The following HPSE2 variants were observed in gnomAD, a reference collection of about 807,000 sequenced individuals.
The protein encoded by HPSE2 is inactive heparanase-2.
Under a neutral mutation model 60.5 loss-of-function variants are expected in HPSE2, and 38 were observed. That is an observed-to-expected ratio of 0.63 (90% confidence interval 0.48 to 0.82). The LOEUF is 0.82. HPSE2 is among the 40% of genes least tolerant of loss of function. The pLI is 0.00. For missense variants in HPSE2, 713 were observed against 740.4 expected (o/e 0.96, Z 0.43); for synonymous variants, 295 against 293.2 (o/e 1.01, Z -0.06).
intron 9 of HPSE2, among the ~76,000 whole-genome samples, chr10:98,513,838 A>T (rs1942501375): frequency 6.6e-6 from 1 of 152,182 alleles, no homozygotes; most frequent in Non-Finnish European, 1.5e-5. Flanking sequence ...ACTAGGTAAA[A>T]GTTTGGTGGT....
chr10:99,235,916 A>C (rs148902053), upstream of HPSE2: 1,814 of 686,444 alleles, frequency 2.6e-3, no homozygotes, highest in African/African-American at 0.021. Context: ...CCTTCCTCCC[A>C]CCACCCCCCC....
At position 98,743,867 on chromosome 10, in the gene HPSE2, T is replaced by C; in HGVS notation, c.784+16A>G. The C allele has an allele frequency of 6.2e-7, 1 of 1,609,940 alleles. No individual in the cohort carries two copies. Among genetic ancestry groups the C allele is most frequent in the Non-Finnish European group, 8.5e-7 (1 of 1,176,118 alleles). On this transcript the variant is annotated intron_variant, in intron 4 of 11. Coordinates refer to ENST00000370552, the MANE Select transcript of HPSE2 (RefSeq NM_021828.5). ...CTTTATTTTGTCAATTCAGAGGAAG[T>C]AACATCCTTACTTACCATTACCCAG...
At chr10:98,600,911 G>GTATATATATGTGTGTGTA (rs1945397109) in intron 9 of HPSE2, among the ~76,000 whole-genome samples, 3 of 73,702 alleles carry the variant, frequency 4.1e-5, no homozygotes, top group Admixed American at 3.2e-4. Context: ...ATGTGTGTGT[G>GTATATATATGTGTGTGTA]TATATATATA....
chr10:98,535,406 T>C (rs1288353849), intron 9 of HPSE2, among the ~76,000 whole-genome samples: 1 of 152,132 alleles, frequency 6.6e-6, no homozygotes, highest in Non-Finnish European at 1.5e-5. Flanking sequence ...ACCATACTTA[T>C]TGACTGTGGT....
chr10:98,521,416 A>G (rs1014073493), intron 9 of HPSE2, among the ~76,000 whole-genome samples: 12 of 152,262 alleles, frequency 7.9e-5, no homozygotes, highest in Non-Finnish European at 1.5e-4. Flanking sequence ...GAGAAATGCA[A>G]CTCAAAACCA....
intron 3 of HPSE2, among the ~76,000 whole-genome samples, chr10:99,001,900 G>A (rs1168869796): frequency 6.6e-6 from 1 of 152,020 alleles, no homozygotes; most frequent in Non-Finnish European, 1.5e-5. Context: ...AGGTCAGACT[G>A]TAATTAGTTT....
chr10:99,285,143 A>T, the HPSE2 span, among the ~76,000 whole-genome samples: 1 of 152,004 alleles, frequency 6.6e-6, no homozygotes, highest in Non-Finnish European at 1.5e-5. Flanking sequence ...TTTTAAATGG[A>T]CAATGGGCTG....
intron 8 of HPSE2, among the ~76,000 whole-genome samples, chr10:98,619,662 C>A (rs1264177750): frequency 6.6e-6 from 1 of 152,148 alleles, no homozygotes; most frequent in East Asian, 1.9e-4. Context: ...TCACATTAGT[C>A]ATTCTCTGCT....
At position 98,990,396 on chromosome 10, in the gene HPSE2, C is replaced by G. The variant is rs137942339; in HGVS notation, c.610+153842G>C. On this transcript the variant is annotated intron_variant, in intron 3 of 11. Transcript: ENST00000370552. Reference sequence around the variant, plus strand: ...AGCAGTTCACAATAGGGTTTGTGCTCCTATGATAATCTATTGCTGCTGCTG... The same window carrying G: ...AGCAGTTCACAATAGGGTTTGTGCTGCTATGATAATCTATTGCTGCTGCTG... Among the ~76,000 whole-genome samples the G allele has an allele frequency of 3.2e-3, 484 of 152,274 alleles. 3 individuals are homozygous for G. The highest frequency in any genetic ancestry group is 0.01 in the African/African-American group (416 of 41,558).
At chr10:99,040,824 C>T (rs956187027) in intron 3 of HPSE2, among the ~76,000 whole-genome samples, 2 of 152,146 alleles carry the variant, frequency 1.3e-5, no homozygotes, top group Non-Finnish European at 2.9e-5. Flanking sequence ...CAGTGGCTCA[C>T]GCCTGTAATC....
chr10:99,045,735 A>G (rs149160507), intron 3 of HPSE2, among the ~76,000 whole-genome samples: 45 of 152,278 alleles, frequency 3.0e-4, no homozygotes, highest in Non-Finnish European at 4.1e-4. Context: ...GAAAATCTAG[A>G]GGACATGAAT....
intron 9 of HPSE2, among the ~76,000 whole-genome samples, chr10:98,525,983 G>A (rs1942954277): frequency 6.6e-6 from 1 of 152,202 alleles, no homozygotes; most frequent in Non-Finnish European, 1.5e-5. Flanking sequence ...ATCTGAGAAT[G>A]CATTGTCTAA....
At chr10:98,804,380 A>G (rs1426522635) in intron 3 of HPSE2, among the ~76,000 whole-genome samples, 2 of 152,094 alleles carry the variant, frequency 1.3e-5, no homozygotes, top group Non-Finnish European at 2.9e-5. Flanking sequence ...CAAACTCCCC[A>G]TCTGACAAGG....
chr10:98,976,149 AC>A (rs1423120901), intron 3 of HPSE2, among the ~76,000 whole-genome samples: 1 of 152,138 alleles, frequency 6.6e-6, no homozygotes, highest in African/African-American at 2.4e-5. Context: ...TCATTCTACA[AC>A]CAGAACTCAG....
At chr10:99,023,395 C>T (rs139315868) in intron 3 of HPSE2, among the ~76,000 whole-genome samples, 1 of 152,230 alleles carries the variant, frequency 6.6e-6, no homozygotes, top group Non-Finnish European at 1.5e-5. Flanking sequence ...GATGGCACTT[C>T]TGGACCTAGC....
At chr10:98,476,775 G>A (rs531414705) in intron 11 of HPSE2, among the ~76,000 whole-genome samples, 2 of 152,210 alleles carry the variant, frequency 1.3e-5, no homozygotes, top group African/African-American at 4.8e-5. Flanking sequence ...GGGTGACAGG[G>A]TGGGAGTCTG....
intron 3 of HPSE2, among the ~76,000 whole-genome samples, chr10:99,128,772 C>T (rs1026017550): frequency 6.6e-6 from 1 of 152,046 alleles, no homozygotes; most frequent in African/African-American, 2.4e-5. Context: ...GCGCAGCAAA[C>T]CACCATAGCA....
intron 3 of HPSE2, among the ~76,000 whole-genome samples, chr10:99,121,788 C>A (rs1844963173): frequency 2.0e-5 from 3 of 152,110 alleles, no homozygotes; most frequent in African/African-American, 7.2e-5. Flanking sequence ...GGGAAGCAAT[C>A]ACACTTCTAG....
At chr10:98,555,289 A>G (rs552674475) in intron 9 of HPSE2, among the ~76,000 whole-genome samples, 1 of 152,308 alleles carries the variant, frequency 6.6e-6, no homozygotes, top group Non-Finnish European at 1.5e-5. Context: ...AGCACCTCTA[A>G]TGACTGGGAT....
Sources: gnomAD v4.1 joint callset for allele counts (sites outside exome capture counted in the v4.1 genomes callset) on GRCh38, gnomAD v4.1.1 for gene constraint, MANE v1.5 for transcripts, NCBI Gene and HGNC (gene_info 2026-07-23, HGNC 2026-07-21) for gene names.